Variants in TRPM3 observed in about 807,000 individuals in gnomAD.
TRPM3 encodes long transient receptor potential channel 3.
Under a neutral mutation model 181.2 loss-of-function variants are expected in TRPM3, and 77 were observed. The ratio of observed to expected loss-of-function variants is 0.42; its 90% CI spans 0.35 to 0.51. TRPM3 has a LOEUF of 0.51. Ranked by LOEUF, TRPM3 falls within the 20% of genes least tolerant of loss-of-function variation. The probability of loss-of-function intolerance (pLI) is 0.01; values close to 1 mark genes in which losing one functional copy is unlikely to be tolerated. For synonymous variants in TRPM3, 745 were observed against 796.4 expected, an observed-to-expected ratio of 0.94 and a Z score of 1.09; for missense variants, 1,759 against 2,196.7, an observed-to-expected ratio of 0.80 and a Z score of 3.98.
At chr9:70,972,548 G>A (rs1564876711) in intron 1 of TRPM3, among the ~76,000 whole-genome samples, 2 of 152,162 alleles carry the variant, frequency 1.3e-5, no homozygotes, top group African/African-American at 2.4e-5. Flanking sequence ...GAATTCGAGA[G>A]TGATGAGGGA....
chr9:71,396,009 T>A (rs772537530), intron 1 of TRPM3, among the ~76,000 whole-genome samples: 1 of 152,050 alleles, frequency 6.6e-6, no homozygotes, highest in African/African-American at 2.4e-5. Context: ...AAAATGAGAA[T>A]AAGAAACGTT....
chr9:71,290,375 T>C (rs1014894551), intron 1 of TRPM3, among the ~76,000 whole-genome samples: 1 of 152,130 alleles, frequency 6.6e-6, no homozygotes, highest in Non-Finnish European at 1.5e-5. Context: ...AAGAATTATA[T>C]TGAATATTGA....
intron 1 of TRPM3, among the ~76,000 whole-genome samples, chr9:71,216,631 T>C (rs534097437): frequency 6.6e-5 from 10 of 152,326 alleles, no homozygotes; most frequent in African/African-American, 2.4e-4. Context: ...AAGAGCACAT[T>C]TGCACTGAAC....
chr9:70,559,977 G>T (rs2048670745), intron 22 of TRPM3, among the ~76,000 whole-genome samples: 1 of 152,186 alleles, frequency 6.6e-6, no homozygotes, highest in Non-Finnish European at 1.5e-5. Flanking sequence ...TAAAAATGGT[G>T]CTTTCCCAGA....
chr9:70,529,748 T>C lies in TRPM3; in HGVS notation c.*6205A>G, dbSNP rs1163846209. The C allele has an allele frequency of 3.9e-5, 6 of 152,244 alleles. No homozygotes were observed. Among genetic ancestry groups the C allele is most frequent in the South Asian group, 2.1e-4 (1 of 4,834 alleles). 9.4% of individuals were successfully genotyped at this position (152,244 alleles called of 1,614,324 possible). ...ACTCACCAAGTCACTATCAAGAATC[T>C]GATCCTGTTGGCTCTAAATCAGAGG... On this transcript the variant is annotated 3_prime_UTR_variant, in exon 26 of 26. Transcript: ENST00000677713.
intron 1 of TRPM3, among the ~76,000 whole-genome samples, chr9:71,055,287 T>C (rs2060530564): frequency 6.6e-6 from 1 of 152,050 alleles, no homozygotes; most frequent in Admixed American, 6.6e-5. Flanking sequence ...TAAGAGTTAG[T>C]AGAAACTTAA....
intron 1 of TRPM3, among the ~76,000 whole-genome samples, chr9:71,424,144 T>C (rs1935337): frequency 0.011 from 1,627 of 152,240 alleles, 26 homozygotes; most frequent in African/African-American, 0.037. Context: ...ATAAGGTTCT[T>C]TCCAGATAAT....
chr9:70,921,764 C>T (rs768937492), intron 1 of TRPM3, among the ~76,000 whole-genome samples: 2 of 152,088 alleles, frequency 1.3e-5, no homozygotes, highest in Non-Finnish European at 2.9e-5. Flanking sequence ...CACCATGTCA[C>T]GGATTGCTAT....
chr9:71,065,251 C>T (rs988499786), intron 1 of TRPM3, among the ~76,000 whole-genome samples: 1 of 152,116 alleles, frequency 6.6e-6, no homozygotes. Flanking sequence ...GTGGGACTGT[C>T]AAGTAAAGAT....
intron 9 of TRPM3, among the ~76,000 whole-genome samples, chr9:70,653,698 A>ACC: frequency 6.7e-6 from 1 of 149,812 alleles, no homozygotes. Flanking sequence ...AAAAAAAAAA[A>ACC]AACAAACCAA....
chr9:71,404,336 GTT>G (rs1447842549), intron 1 of TRPM3, among the ~76,000 whole-genome samples: 1 of 152,158 alleles, frequency 6.6e-6, no homozygotes, highest in African/African-American at 2.4e-5. Context: ...CAATAAGTTT[GTT>G]TAATATCAAC....
chr9:70,938,830 C>T (rs567786566), intron 1 of TRPM3, among the ~76,000 whole-genome samples: 12 of 151,952 alleles, frequency 7.9e-5, no homozygotes, highest in Admixed American at 2.6e-4. Flanking sequence ...TGGTGGCGGG[C>T]GCCTGTAGTC....
chr9:71,112,014 T>C (rs1400533274), intron 1 of TRPM3, among the ~76,000 whole-genome samples: 2 of 152,202 alleles, frequency 1.3e-5, no homozygotes, highest in Admixed American at 6.5e-5. Context: ...AAATAACCTA[T>C]GACTAACAGA....
chr9:71,107,018 T>G (rs2069764901), intron 1 of TRPM3, among the ~76,000 whole-genome samples: 1 of 152,194 alleles, frequency 6.6e-6, no homozygotes, highest in Non-Finnish European at 1.5e-5. Flanking sequence ...TGGTGCTGTC[T>G]ATGGAGCTTC....
At chr9:71,194,889 A>G (rs1452301795) in intron 1 of TRPM3, among the ~76,000 whole-genome samples, 1 of 151,998 alleles carries the variant, frequency 6.6e-6, no homozygotes, top group African/African-American at 2.4e-5. Flanking sequence ...ACCAAAATCT[A>G]TACTGCAAAA....
At chr9:71,052,615 A>G (rs911672252) in intron 1 of TRPM3, among the ~76,000 whole-genome samples, 2 of 152,138 alleles carry the variant, frequency 1.3e-5, no homozygotes, top group Non-Finnish European at 2.9e-5. Context: ...ATTTTTAACA[A>G]TGAAAGGCAT....
intron 12 of TRPM3, among the ~76,000 whole-genome samples, chr9:70,631,145 G>A (rs111725804): frequency 1.6e-3 from 250 of 152,302 alleles, no homozygotes; most frequent in African/African-American, 5.8e-3. Flanking sequence ...AAAGAAAAGT[G>A]GACTGCAGTT....
At chr9:70,813,490 A>G (rs140435582) in intron 6 of TRPM3, among the ~76,000 whole-genome samples, 53 of 151,874 alleles carry the variant, frequency 3.5e-4, no homozygotes, top group African/African-American at 1.2e-3. Flanking sequence ...ACATAAAGAC[A>G]GAAATAATAG....
At chr9:70,802,149 A>G (rs576275247) in intron 6 of TRPM3, among the ~76,000 whole-genome samples, 2 of 152,230 alleles carry the variant, frequency 1.3e-5, no homozygotes, top group South Asian at 4.1e-4. Context: ...GGGAAAGGAG[A>G]TTTTTGCCTG....
Sources: gnomAD v4.1 joint callset for allele counts (sites outside exome capture counted in the v4.1 genomes callset) on GRCh38, gnomAD v4.1.1 for gene constraint, MANE v1.5 for transcripts, NCBI Gene and HGNC (gene_info 2026-07-23, HGNC 2026-07-21) for gene names.